Variants in SORCS3 observed in about 807,000 individuals in gnomAD.
The protein encoded by SORCS3 is VPS10 domain-containing receptor SorCS3.
SORCS3 carries 57 observed loss-of-function variants against 146.3 expected under a neutral mutation model. The ratio of observed to expected loss-of-function variants is 0.39; its 90% CI spans 0.31 to 0.49. The LOEUF (loss-of-function observed/expected upper bound fraction) is 0.49. SORCS3 is among the 20% of genes least tolerant of loss of function. The pLI is 0.92. For missense variants in SORCS3, 1,341 were observed against 1,575.5 expected, an observed-to-expected ratio of 0.85 and a Z score of 2.52; for synonymous variants, 653 against 618.5, an observed-to-expected ratio of 1.06 and a Z score of -0.83.
chr10:105,257,801 G>A (rs1209779647), intron 25 of SORCS3, among the ~76,000 whole-genome samples: 1 of 152,118 alleles, frequency 6.6e-6, no homozygotes, highest in East Asian at 1.9e-4. Context: ...AAAAAGCTAT[G>A]CTATTATAAA....
chr10:104,767,738 C>T (rs895064443), intron 1 of SORCS3, among the ~76,000 whole-genome samples: 2 of 134,602 alleles, frequency 1.5e-5, no homozygotes, highest in African/African-American at 5.6e-5. Context: ...CCCCTTTCCT[C>T]TCCTCGCTCT....
chr10:105,014,084 C>CATATATAT (rs1564734908), intron 4 of SORCS3, among the ~76,000 whole-genome samples: 3 of 130,928 alleles, frequency 2.3e-5, no homozygotes, highest in African/African-American at 1.0e-4. Context: ...TATATATATA[C>CATATATAT]ACACATATAT....
intron 3 of SORCS3, among the ~76,000 whole-genome samples, chr10:104,944,381 TAAAG>T (rs1379046564): frequency 2.0e-5 from 3 of 152,130 alleles, no homozygotes; most frequent in African/African-American, 7.2e-5. Flanking sequence ...TTAAATGAAA[TAAAG>T]AATTATTTAA....
At chr10:105,138,874 C>T (rs2056076089) in intron 7 of SORCS3, among the ~76,000 whole-genome samples, 1 of 152,156 alleles carries the variant, frequency 6.6e-6, no homozygotes, top group East Asian at 1.9e-4. Context: ...TAAATATCTG[C>T]TCAATACATG....
chr10:105,109,094 A>G (rs2055842169), intron 7 of SORCS3, among the ~76,000 whole-genome samples: 1 of 152,128 alleles, frequency 6.6e-6, no homozygotes, highest in Non-Finnish European at 1.5e-5. Flanking sequence ...AATTTATATA[A>G]CATACTGAAT....
At chr10:105,130,575 A>G (rs2056011497) in intron 7 of SORCS3, among the ~76,000 whole-genome samples, 1 of 152,036 alleles carries the variant, frequency 6.6e-6, no homozygotes, top group Non-Finnish European at 1.5e-5. Context: ...TCCTTTCAGC[A>G]TCTCCCCTAC....
chr10:104,984,705 G>A (rs759540541), intron 4 of SORCS3, among the ~76,000 whole-genome samples: 5 of 152,054 alleles, frequency 3.3e-5, no homozygotes, highest in South Asian at 2.1e-4. Flanking sequence ...ACATACAGGC[G>A]TATCTTGGAG....
intron 8 of SORCS3, among the ~76,000 whole-genome samples, chr10:105,144,103 T>C (rs982561080): frequency 6.6e-6 from 1 of 152,208 alleles, no homozygotes; most frequent in Non-Finnish European, 1.5e-5. Context: ...TTTGTGCTAT[T>C]CTTTGGGCAA....
At chr10:105,246,402 T>C (rs1013628221) in intron 21 of SORCS3, among the ~76,000 whole-genome samples, 1 of 150,494 alleles carries the variant, frequency 6.6e-6, no homozygotes, top group African/African-American at 2.4e-5. Flanking sequence ...TTCATTTCAT[T>C]TCTTCATTTC....
intron 4 of SORCS3, among the ~76,000 whole-genome samples, chr10:105,008,974 T>G (rs2055114661): frequency 6.6e-6 from 1 of 152,206 alleles, no homozygotes; most frequent in Non-Finnish European, 1.5e-5. Flanking sequence ...GCATGTTTTC[T>G]TTTTCTCTTT....
intron 1 of SORCS3, among the ~76,000 whole-genome samples, chr10:104,800,245 T>C (rs2017609486): frequency 1.0e-5 from 1 of 98,978 alleles, no homozygotes; most frequent in Admixed American, 9.0e-5. Flanking sequence ...TATGATTTCA[T>C]ATATATATAT....
intron 1 of SORCS3, among the ~76,000 whole-genome samples, chr10:104,766,621 T>C (rs1055100430): frequency 2.6e-5 from 4 of 152,224 alleles, no homozygotes; most frequent in African/African-American, 9.6e-5. Flanking sequence ...TGTTGGAGGA[T>C]GCTGTCCTCC....
At chr10:104,945,335 GCAA>G (rs2019359417) in intron 3 of SORCS3, among the ~76,000 whole-genome samples, 1 of 152,048 alleles carries the variant, frequency 6.6e-6, no homozygotes, top group Non-Finnish European at 1.5e-5. Context: ...CAGGCTCACT[GCAA>G]CCTCCACCTC....
chr10:104,847,769 C>T (rs888672218), intron 2 of SORCS3, among the ~76,000 whole-genome samples: 1 of 152,124 alleles, frequency 6.6e-6, no homozygotes, highest in East Asian at 1.9e-4. Context: ...ATTGCACCCA[C>T]CCTTAGCCTT....
intron 1 of SORCS3, among the ~76,000 whole-genome samples, chr10:104,643,451 C>T (rs7084834): frequency 0.79 from 120,446 of 152,156 alleles, 48,159 homozygotes; most frequent in Non-Finnish European, 0.85. Flanking sequence ...CTTGAAGGAC[C>T]AGTGAAGTCC....
intron 1 of SORCS3, among the ~76,000 whole-genome samples, chr10:104,787,570 A>G (rs2017452975): frequency 6.6e-6 from 1 of 151,964 alleles, no homozygotes. Flanking sequence ...CTGCAAGTCC[A>G]GCCTAACCAT....
intron 6 of SORCS3, among the ~76,000 whole-genome samples, chr10:105,102,780 C>CT (rs1183026265): frequency 0.12 from 11,118 of 92,366 alleles, 2,339 homozygotes; most frequent in Non-Finnish European, 0.14. Flanking sequence ...ACCTCTCAAC[C>CT]TTTTTTTTTT....
At chr10:105,251,946 A>C (rs747600086) in intron 22 of SORCS3, among the ~76,000 whole-genome samples, 2 of 152,226 alleles carry the variant, frequency 1.3e-5, no homozygotes, top group Non-Finnish European at 2.9e-5. Flanking sequence ...ATAGATTGGA[A>C]TGCAGCTATC....
chr10:104,914,038 G>A (rs1325956691), intron 2 of SORCS3, among the ~76,000 whole-genome samples: 6 of 151,950 alleles, frequency 3.9e-5, no homozygotes, highest in African/African-American at 1.5e-4. Context: ...CAAAGTGCTG[G>A]GATTACAGGC....
Sources: gnomAD v4.1 joint callset for allele counts (sites outside exome capture counted in the v4.1 genomes callset) on GRCh38, gnomAD v4.1.1 for gene constraint, MANE v1.5 for transcripts, NCBI Gene and HGNC (gene_info 2026-07-23, HGNC 2026-07-21) for gene names.